Variants in MTHFD1L observed in about 807,000 individuals in gnomAD.
MTHFD1L encodes the protein methylenetetrahydrofolate dehydrogenase (NADP+ dependent) 1 like.
A neutral mutation model predicts 119.5 loss-of-function variants in MTHFD1L; 81 were observed. The observed-to-expected ratio is 0.68, with a 90% CI of 0.57 to 0.82. MTHFD1L has a LOEUF of 0.82. MTHFD1L is among the 40% of genes least tolerant of loss of function. The probability of loss-of-function intolerance (pLI) is 0.00; values close to 1 mark genes in which losing one functional copy is unlikely to be tolerated. For missense variants in MTHFD1L, 1,125 were observed against 1,253.4 expected, an observed-to-expected ratio of 0.90 and a Z score of 1.55; for synonymous variants, 430 against 475.2, an observed-to-expected ratio of 0.90 and a Z score of 1.24.
At chr6:150,965,769 G>A (rs1797123171) in intron 19 of MTHFD1L, among the ~76,000 whole-genome samples, 1 of 152,104 alleles carries the variant, frequency 6.6e-6, no homozygotes, top group Admixed American at 6.5e-5. Flanking sequence ...TTGAGTTGTG[G>A]ATTTTTTGGT....
rs575153721 is a variant in MTHFD1L, at chr6:150,896,830, C to T, written c.781-8820C>T. The stretch of plus-strand genomic sequence containing the variant: ...ATGAGACCAAGAAGGGGCTGTGTGG[C>T]GGGCGCGGTGGCTCACACCTGTAAC... On this transcript the variant is annotated intron_variant, in intron 7 of 27. Transcript: ENST00000367321. 7.9e-5 allele frequency among the ~76,000 whole-genome samples: 12 copies of T among 152,010 alleles called. No individual in the cohort carries two copies. The East Asian group carries it at 1.7e-3, about 22-fold the overall frequency.
In MTHFD1L at chr6:150,893,130, T is replaced by A. The variant is rs1248855626; in HGVS notation, c.780+5149T>A. ...CCCAGGCTGGAGTGCAGTGGCGCGATCTCGGCTCACTAAAGCCTCTGCCTC... is the reference window on the plus strand; with the variant it reads ...CCCAGGCTGGAGTGCAGTGGCGCGAACTCGGCTCACTAAAGCCTCTGCCTC... On this transcript the variant is annotated intron_variant, in intron 7 of 27. Coordinates refer to ENST00000367321, the MANE Select transcript of MTHFD1L (RefSeq NM_015440.5). Among the ~76,000 whole-genome samples, 12 of 152,164 alleles carry A rather than the reference T, an allele frequency of 7.9e-5. 1 individual carries two copies. Among genetic ancestry groups the A allele is most frequent in the Admixed American group, 7.2e-4 (11 of 15,278 alleles).
chr6:150,867,542 C>A (rs967927353), intron 1 of MTHFD1L, among the ~76,000 whole-genome samples: 3 of 151,982 alleles, frequency 2.0e-5, no homozygotes, highest in Non-Finnish European at 4.4e-5. Flanking sequence ...CCAGGATAGG[C>A]GGCAAAAAAA....
At chr6:150,951,889 G>T (rs903798351) in intron 16 of MTHFD1L, among the ~76,000 whole-genome samples, 6 of 151,858 alleles carry the variant, frequency 4.0e-5, no homozygotes, top group African/African-American at 1.5e-4. Context: ...GGAAATTAGT[G>T]TATTTTAAAC....
intron 20 of MTHFD1L, among the ~76,000 whole-genome samples, chr6:150,999,512 A>G (rs9478898): frequency 0.23 from 34,708 of 152,042 alleles, 4,062 homozygotes; most frequent in Middle Eastern, 0.31. Flanking sequence ...CACTGTACAA[A>G]CTGTTCTTGT....
chr6:150,959,201 G>T, intron 17 of MTHFD1L: 2 of 984,834 alleles, frequency 2.0e-6, no homozygotes, highest in South Asian at 9.4e-5. Context: ...ATCTCAACCA[G>T]GAAGTAGCCA....
intron 11 of MTHFD1L, among the ~76,000 whole-genome samples, chr6:150,928,877 A>AATC (rs1790516917): frequency 6.6e-6 from 1 of 152,162 alleles, no homozygotes; most frequent in Non-Finnish European, 1.5e-5. Context: ...ACAGACAGCC[A>AATC]GGGCCTCTCT....
At chr6:150,971,093 G>A (rs1157356009) in intron 19 of MTHFD1L, among the ~76,000 whole-genome samples, 1 of 152,212 alleles carries the variant, frequency 6.6e-6, no homozygotes, top group Admixed American at 6.5e-5. Flanking sequence ...GTTATCAGAG[G>A]CAGTGGGGGA....
chr6:151,086,674 T>C (rs1188216158), intron 26 of MTHFD1L, among the ~76,000 whole-genome samples: 1 of 152,050 alleles, frequency 6.6e-6, no homozygotes, highest in African/African-American at 2.4e-5. Context: ...ACCACAATTG[T>C]GCACCACCAC....
At chr6:150,959,413 G>T (rs1796111585) in intron 17 of MTHFD1L, among the ~76,000 whole-genome samples, 1 of 152,218 alleles carries the variant, frequency 6.6e-6, no homozygotes, top group Non-Finnish European at 1.5e-5. Flanking sequence ...ATTCCTAGTG[G>T]CTGAATTATG....
At chr6:150,937,004 A>G in intron 12 of MTHFD1L, 64 bp downstream of exon 12, 1 of 1,563,454 alleles carries the variant, frequency 6.4e-7, no homozygotes, top group Admixed American at 1.7e-5. Flanking sequence ...TTGTAAAAAG[A>G]ACATTGTCAA....
intron 26 of MTHFD1L, among the ~76,000 whole-genome samples, chr6:151,046,461 ATGTG>A (rs1252724025): frequency 7.0e-5 from 5 of 71,686 alleles, no homozygotes; most frequent in Admixed American, 1.6e-4. Context: ...TATATATAAT[ATGTG>A]TGTGTGTATA....
chr6:150,926,371 T>C lies in MTHFD1L; in HGVS notation c.1256+76T>C, dbSNP rs987040079. ...TCTTCCCTATTTATCTCTCTCCTCG[T>C]ACCCCTCAATCCATCCTATTCTCAC... On this transcript the variant is annotated intron_variant, in intron 11 of 27. Transcript: ENST00000367321. This position sits in a 1 kb window ranked among gnomAD's most constrained non-coding sequence, Gnocchi z 4.3. 2 of 1,280,520 alleles carry C rather than the reference T, an allele frequency of 1.6e-6. No homozygotes were observed. Among genetic ancestry groups the C allele is most frequent in the Non-Finnish European group, 2.2e-6 (2 of 910,756 alleles). 79.3% of individuals were successfully genotyped at this position (1,280,520 alleles called of 1,614,324 possible). A position where few individuals can be genotyped will look rare whatever the true frequency, so the allele number is the denominator to read the frequency against.
rs566229345 is a variant in MTHFD1L, at chr6:150,947,258, G to A, written c.1623+1717G>A. Among the ~76,000 whole-genome samples, 16 of 150,226 alleles carry A rather than the reference G, an allele frequency of 1.1e-4. No individual in the cohort carries two copies. The Middle Eastern group carries it at 0.01, about 96-fold the overall frequency. ...TACAGGTGCCCACCACCATGCCAGC[G>A]AATTTTTTGTATTTTTAGTAGAGAA... On this transcript the variant is annotated intron_variant, in intron 15 of 27. Coordinates refer to ENST00000367321, the MANE Select transcript of MTHFD1L (RefSeq NM_015440.5).
intron 26 of MTHFD1L, among the ~76,000 whole-genome samples, chr6:151,084,387 G>T (rs1360211658): frequency 6.6e-6 from 1 of 152,134 alleles, no homozygotes. Flanking sequence ...GGAGCAGGAC[G>T]TTGTCTGAAA....
chr6:150,986,741 G>C (rs1038817085), intron 20 of MTHFD1L, among the ~76,000 whole-genome samples: 1 of 152,128 alleles, frequency 6.6e-6, no homozygotes, highest in African/African-American at 2.4e-5. Context: ...GTCTCACTCT[G>C]TCGCCCAGGC....
chr6:151,003,894 G>A (rs1025062313), intron 20 of MTHFD1L, among the ~76,000 whole-genome samples: 2 of 151,886 alleles, frequency 1.3e-5, no homozygotes, highest in Admixed American at 1.3e-4. Context: ...CTGGCCTGGT[G>A]CACAGGAGAA....
intron 24 of MTHFD1L, among the ~76,000 whole-genome samples, chr6:151,020,089 T>TGTGTGCCCCTTGGTGTCTCC (rs1783737426): frequency 6.6e-6 from 1 of 152,356 alleles, no homozygotes; most frequent in Non-Finnish European, 1.5e-5. Context: ...ACTGGGTTTC[T>TGTGTGCCCCTTGGTGTCTCC]GTGTGCCCCT....
chr6:151,036,997 G>A lies in MTHFD1L; in HGVS notation c.2727G>A (p.Lys909=), dbSNP rs746516828. 4 of 1,611,894 alleles carry A rather than the reference G, an allele frequency of 2.5e-6. No individual in the cohort carries two copies. The African/African-American group carries it at 4.0e-5, about 16-fold the overall frequency. ...GAAATTTGCCCATCTGCATGGCAAAGACCCACCTTTCTCTATCTCACCAAC... is the reference window on the plus strand; with the variant it reads ...GAAATTTGCCCATCTGCATGGCAAAAACCCACCTTTCTCTATCTCACCAAC... ...GFGNLPICMA[K]THLSLSHQPD... The change falls in exon 26 of 28, where the codon AAG becomes AAA. Residue 909 remains lysine (K), a synonymous_variant. Coordinates refer to ENST00000367321, the MANE Select transcript of MTHFD1L (RefSeq NM_015440.5).
Sources: allele counts gnomAD v4.1 joint callset (sites outside exome capture counted in the v4.1 genomes callset), GRCh38; gene constraint gnomAD v4.1.1; non-coding constraint Gnocchi (gnomAD v3.1); transcripts MANE v1.5; gene names NCBI Gene and HGNC (gene_info 2026-07-23, HGNC 2026-07-21).